Variants in PHF21A observed in about 807,000 individuals in gnomAD.
PHF21A encodes BHC80a.
PHF21A carries 11 observed loss-of-function variants against 82.5 expected under a neutral mutation model. The observed-to-expected ratio is 0.13, with a 90% confidence interval of 0.08 to 0.22. The LOEUF is 0.22. Ranked by LOEUF, PHF21A falls within the 10% of genes least tolerant of loss-of-function variation. The pLI is 1.00. For synonymous variants in PHF21A, 297 were observed against 302.8 expected (o/e 0.98, Z 0.20); for missense variants, 579 against 837.8 (o/e 0.69, Z 3.81).
intron 3 of PHF21A, among the ~76,000 whole-genome samples, chr11:46,088,408 T>TAACAATAAC (rs2096881650): frequency 6.6e-6 from 1 of 150,722 alleles, no homozygotes; most frequent in Non-Finnish European, 1.5e-5. Flanking sequence ...AACTTTCCAA[T>TAACAATAAC]AACAACAACA....
At chr11:45,946,569 G>A (rs2135403057) in intron 14 of PHF21A, among the ~76,000 whole-genome samples, 1 of 152,172 alleles carries the variant, frequency 6.6e-6, no homozygotes, top group East Asian at 1.9e-4. Context: ...CAGGGACGGG[G>A]TTTCATCGTG....
chr11:45,949,561 T>C, intron 12 of PHF21A, 80 bp from the exon 13 acceptor site: 1 of 1,157,756 alleles, frequency 8.6e-7, no homozygotes, highest in East Asian at 2.3e-5. Flanking sequence ...TATCTATTGG[T>C]TTTCCCATAA....
chr11:45,947,656 C>A (rs771762693), intron 14 of PHF21A, among the ~76,000 whole-genome samples: 4 of 152,100 alleles, frequency 2.6e-5, no homozygotes, highest in Non-Finnish European at 5.9e-5. Flanking sequence ...GTCTTTCTGG[C>A]TCATTTAACC....
At chr11:45,981,934 G>GTTTTTATTTTT (rs2094305662) in intron 6 of PHF21A, among the ~76,000 whole-genome samples, 1 of 88,016 alleles carries the variant, frequency 1.1e-5, no homozygotes, top group Non-Finnish European at 2.5e-5. Context: ...CTCTCTTTTT[G>GTTTTTATTTTT]TTTTTCTTTT....
At chr11:46,029,745 T>G (rs1419825457) in intron 6 of PHF21A, among the ~76,000 whole-genome samples, 2 of 152,084 alleles carry the variant, frequency 1.3e-5, no homozygotes, top group East Asian at 3.8e-4. Flanking sequence ...AGCAATAAAT[T>G]TCATGTCATT....
chr11:45,951,486 C>A (rs1269887432), intron 11 of PHF21A, among the ~76,000 whole-genome samples: 2 of 152,198 alleles, frequency 1.3e-5, no homozygotes, highest in Non-Finnish European at 2.9e-5. Context: ...CCCTTGACAG[C>A]CAGATTAGTC....
intron 13 of PHF21A, 29 bp downstream of exon 13, chr11:45,949,373 G>A (rs2091793469): frequency 6.3e-6 from 10 of 1,579,658 alleles, no homozygotes; most frequent in Non-Finnish European, 8.7e-6. Flanking sequence ...TGGAACATGA[G>A]GGAAGGGCCA....
intron 5 of PHF21A, among the ~76,000 whole-genome samples, chr11:46,077,659 C>T (rs2135023458): frequency 6.6e-6 from 1 of 152,234 alleles, no homozygotes; most frequent in Non-Finnish European, 1.5e-5. Context: ...TCCATGTGGA[C>T]TTTTTTATTA....
intron 10 of PHF21A, among the ~76,000 whole-genome samples, chr11:45,959,878 C>T (rs1002721452): frequency 3.3e-5 from 5 of 152,212 alleles, no homozygotes; most frequent in East Asian, 1.9e-4. Context: ...TAAAAATTGG[C>T]AAAGGATTTG....
chr11:46,059,002 A>G (rs1428272383), intron 6 of PHF21A, among the ~76,000 whole-genome samples: 1 of 152,202 alleles, frequency 6.6e-6, no homozygotes, highest in Admixed American at 6.5e-5. Context: ...AAACTGCCCC[A>G]GGGTCACCCA....
chr11:46,076,145 G>C (rs2096722416), intron 6 of PHF21A, among the ~76,000 whole-genome samples: 1 of 152,186 alleles, frequency 6.6e-6, no homozygotes, highest in African/African-American at 2.4e-5. Flanking sequence ...TAAAGTGGAG[G>C]TCATCATACA....
intron 1 of PHF21A, among the ~76,000 whole-genome samples, chr11:46,093,848 T>G (rs998111834): frequency 1.3e-5 from 2 of 152,224 alleles, no homozygotes; most frequent in African/African-American, 4.8e-5. Context: ...GCAGCATTAT[T>G]TGTTAAATGA....
intron 4 of PHF21A, 113 bp downstream of exon 4, chr11:46,084,053 C>T: frequency 1.3e-6 from 1 of 753,704 alleles, no homozygotes; most frequent in South Asian, 2.3e-5. Context: ...GACTCTTGGA[C>T]AAAATTGTCT....
chr11:45,953,480 A>G (rs1017592956), intron 11 of PHF21A, 47 bp downstream of exon 11: 2 of 1,178,374 alleles, frequency 1.7e-6, no homozygotes, highest in Middle Eastern at 1.9e-4. Context: ...CATGAGAATA[A>G]ACCATACACC....
Position 45,979,763 on chromosome 11 carries a change from T to C in PHF21A, c.357A>G (p.Ser119=). 6.2e-7 allele frequency: 1 copy of C among 1,613,708 alleles called. No homozygotes were observed. Among genetic ancestry groups the C allele is most frequent in the Non-Finnish European group, 8.5e-7 (1 of 1,180,018 alleles). ...AATGTTCCATCCACACATTTACCTG[T>C]GAAGCAGTCAGGTTGGGAGAGGCTG... is the stretch of plus-strand genomic sequence containing the variant. ...SAAASPNLTA[S]QKTVTTASMI... Residue 119 remains serine (S), a synonymous_variant, in exon 7 of 19, where the codon TCA becomes TCG. Coordinates refer to ENST00000676320, the MANE Select transcript of PHF21A (RefSeq NM_001352027.3).
At chr11:45,944,207 T>C (rs1055568935) in intron 15 of PHF21A, among the ~76,000 whole-genome samples, 18 of 152,208 alleles carry the variant, frequency 1.2e-4, no homozygotes, top group Admixed American at 2.0e-4. Context: ...GATAAATGCA[T>C]TGTACCTACA....
At chr11:45,985,943 A>T (rs2094475317) in intron 6 of PHF21A, among the ~76,000 whole-genome samples, 1 of 152,174 alleles carries the variant, frequency 6.6e-6, no homozygotes, top group South Asian at 2.1e-4. Flanking sequence ...TGTAATTATC[A>T]GAGATTTTTT....
At chr11:46,094,810 G>T (rs1454988511) in intron 1 of PHF21A, among the ~76,000 whole-genome samples, 1 of 152,182 alleles carries the variant, frequency 6.6e-6, no homozygotes, top group Non-Finnish European at 1.5e-5. Context: ...TGTGACAGGA[G>T]AATCACTTGA....
In PHF21A at chr11:46,034,888, C is replaced by T. The variant is rs533139408; in HGVS notation, c.153+41866G>A. On this transcript the variant is annotated intron_variant, in intron 6 of 18. Transcript: ENST00000676320. ...ATCAAAGTACTTCCTCAAGTATTTT[C>T]AACATGCCAGAGAACACTTTTCTTC... is the stretch of plus-strand genomic sequence containing the variant. 1.4e-4 allele frequency among the ~76,000 whole-genome samples: 21 copies of T among 152,306 alleles called. No individual in the cohort carries two copies. The South Asian group carries it at 4.4e-3, about 32-fold the overall frequency.
Sources: gnomAD v4.1 joint callset for allele counts (sites outside exome capture counted in the v4.1 genomes callset) on GRCh38, gnomAD v4.1.1 for gene constraint, MANE v1.5 for transcripts, NCBI Gene and HGNC (gene_info 2026-07-23, HGNC 2026-07-21) for gene names.